The following CPNE4 variants were observed in gnomAD, a reference collection of about 807,000 sequenced individuals.
CPNE4 encodes the protein copine-4.
CPNE4 carries 25 observed loss-of-function variants against 67.9 expected under a neutral mutation model. The ratio of observed to expected loss-of-function variants is 0.37; its 90% CI spans 0.27 to 0.51. CPNE4 has a LOEUF of 0.51. CPNE4 is among the 20% of genes least tolerant of loss of function. The pLI, the probability that CPNE4 is intolerant of heterozygous loss-of-function variation, is 0.93. For synonymous variants in CPNE4, 242 were observed against 244.9 expected (o/e 0.99, Z 0.11); for missense variants, 464 against 690.8 (o/e 0.67, Z 3.68).
At chr3:131,667,982 C>A (rs189994678) in intron 7 of CPNE4, among the ~76,000 whole-genome samples, 1 of 152,196 alleles carries the variant, frequency 6.6e-6, no homozygotes, top group Non-Finnish European at 1.5e-5. Context: ...CCTGAAGTCA[C>A]AGCTCTTGGC....
intron 5 of CPNE4, among the ~76,000 whole-genome samples, chr3:131,689,694 T>C (rs751509733): frequency 2.6e-5 from 4 of 152,160 alleles, no homozygotes; most frequent in East Asian, 1.9e-4. Flanking sequence ...CTGTTCAATA[T>C]AGTACTAAAA....
intron 1 of CPNE4, among the ~76,000 whole-genome samples, chr3:132,005,826 A>C (rs2107670683): frequency 6.6e-6 from 1 of 152,082 alleles, no homozygotes; most frequent in South Asian, 2.1e-4. Context: ...CACAGTTCAA[A>C]CCCATATTGT....
At chr3:131,558,474 G>T (rs753808900) in intron 11 of CPNE4, among the ~76,000 whole-genome samples, 2 of 151,886 alleles carry the variant, frequency 1.3e-5, no homozygotes, top group Non-Finnish European at 2.9e-5. Flanking sequence ...AAATTGAGGG[G>T]TATATTACCA....
At chr3:131,955,104 T>C (rs2071906861) in intron 1 of CPNE4, among the ~76,000 whole-genome samples, 1 of 152,062 alleles carries the variant, frequency 6.6e-6, no homozygotes, top group Non-Finnish European at 1.5e-5. Flanking sequence ...TTTTTTCTTT[T>C]TCTTCTGTTG....
chr3:131,914,294 TAACA>T (rs750419875), intron 1 of CPNE4, among the ~76,000 whole-genome samples: 6 of 152,138 alleles, frequency 3.9e-5, no homozygotes, highest in Non-Finnish European at 8.8e-5. Flanking sequence ...GTTAGCTGCT[TAACA>T]AGACTCTCAA....
Position 131,631,977 on chromosome 3 carries a change from C to T in CPNE4, c.681+37698G>A, listed in dbSNP as rs374054963. On this transcript the variant is annotated intron_variant, in intron 7 of 15. Transcript: ENST00000429747. ...ATGGCACCCTGTAGTCCCAGCTTCT[C>T]GGGAGGCTGAGGCACAAGAGGGAGG... Among the ~76,000 whole-genome samples the T allele has an allele frequency of 2.6e-4, 39 of 150,546 alleles. No individual in the cohort carries two copies. In the South Asian group the frequency reaches 6.8e-3, roughly 26 times the overall value.
intron 1 of CPNE4, among the ~76,000 whole-genome samples, chr3:132,022,900 T>C (rs1351336814): frequency 6.6e-6 from 1 of 152,146 alleles, no homozygotes; most frequent in Non-Finnish European, 1.5e-5. Context: ...CTTGTTTCCA[T>C]AAAAATAAAA....
At chr3:131,684,235 C>G (rs58295774) in intron 6 of CPNE4, among the ~76,000 whole-genome samples, 1,864 of 152,182 alleles carry the variant, frequency 0.012, 33 homozygotes, top group African/African-American at 0.042. Flanking sequence ...GTGGAGGCTT[C>G]TATTTGGCCA....
chr3:131,678,481 G>A (rs547074300), intron 6 of CPNE4, among the ~76,000 whole-genome samples: 3 of 152,174 alleles, frequency 2.0e-5, no homozygotes, highest in East Asian at 3.9e-4. Flanking sequence ...TGTTGAATAG[G>A]AGTGGTGAGA....
chr3:131,886,157 G>A (rs943479809), intron 2 of CPNE4, among the ~76,000 whole-genome samples: 7 of 152,224 alleles, frequency 4.6e-5, no homozygotes, highest in African/African-American at 1.7e-4. Flanking sequence ...GGGTCCCCAA[G>A]CTGAGCCGTG....
intron 2 of CPNE4, among the ~76,000 whole-genome samples, chr3:131,901,932 C>T (rs1233426073): frequency 6.6e-6 from 1 of 152,128 alleles, no homozygotes; most frequent in Non-Finnish European, 1.5e-5. Context: ...GACTCCAACA[C>T]ATGACTGCTC....
intron 7 of CPNE4, among the ~76,000 whole-genome samples, chr3:131,624,556 A>G (rs887644790): frequency 6.6e-5 from 10 of 152,084 alleles, no homozygotes; most frequent in Admixed American, 2.6e-4. Context: ...ACAAATGGCT[A>G]TATTTTCTAG....
chr3:131,999,208 T>C (rs2107659692), intron 1 of CPNE4, among the ~76,000 whole-genome samples: 1 of 129,444 alleles, frequency 7.7e-6, no homozygotes, highest in South Asian at 2.5e-4. Context: ...ACCCTCTGTC[T>C]CAGAAATCTC....
chr3:131,976,272 T>C (rs576432863), intron 1 of CPNE4, among the ~76,000 whole-genome samples: 111 of 152,004 alleles, frequency 7.3e-4, no homozygotes, highest in African/African-American at 2.6e-3. Context: ...ATTTTTTTTT[T>C]AATACTTAGA....
intron 11 of CPNE4, among the ~76,000 whole-genome samples, chr3:131,558,952 C>T (rs935591051): frequency 6.6e-6 from 1 of 151,860 alleles, no homozygotes; most frequent in Non-Finnish European, 1.5e-5. Context: ...ATGGAGAGAC[C>T]TGTTCTCCAT....
At chr3:131,578,240 G>A (rs1453134715) in intron 9 of CPNE4, among the ~76,000 whole-genome samples, 2 of 151,916 alleles carry the variant, frequency 1.3e-5, no homozygotes, top group African/African-American at 2.4e-5. Context: ...CATTATTATT[G>A]TATCTATTAT....
intron 7 of CPNE4, among the ~76,000 whole-genome samples, chr3:131,599,437 T>A (rs549177535): frequency 1.3e-5 from 2 of 152,300 alleles, no homozygotes; most frequent in South Asian, 4.2e-4. Flanking sequence ...AAAGAAAACC[T>A]TTCATTTACA....
chr3:131,853,861 G>T (rs988851457), intron 2 of CPNE4, among the ~76,000 whole-genome samples: 2 of 151,802 alleles, frequency 1.3e-5, no homozygotes. Context: ...CCACTAAAAT[G>T]GCTAAAATGA....
intron 3 of CPNE4, among the ~76,000 whole-genome samples, chr3:131,717,402 C>T (rs920976779): frequency 6.6e-6 from 1 of 152,120 alleles, no homozygotes; most frequent in Non-Finnish European, 1.5e-5. Flanking sequence ...ACAGCCTCCT[C>T]GAAGAATCTC....
Sources: gnomAD v4.1 joint callset for allele counts (sites outside exome capture counted in the v4.1 genomes callset) on GRCh38, gnomAD v4.1.1 for gene constraint, MANE v1.5 for transcripts, NCBI Gene and HGNC (gene_info 2026-07-23, HGNC 2026-07-21) for gene names.